DAB2IP: variants seen among roughly 807,000 people sequenced by gnomAD.
The protein encoded by DAB2IP is DAB2 interacting protein.
In DAB2IP, 28 loss-of-function variants were observed where a neutral mutation model predicts 107.2. That is an observed-to-expected ratio of 0.26 (90% confidence interval 0.19 to 0.36). The LOEUF is 0.36. Ranked by LOEUF, DAB2IP falls within the 10% of genes least tolerant of loss-of-function variation. The pLI, the probability that DAB2IP is intolerant of heterozygous loss-of-function variation, is 1.00. For missense variants in DAB2IP, 1,400 were observed against 1,644.7 expected, an observed-to-expected ratio of 0.85 and a Z score of 2.57; for synonymous variants, 755 against 706.4, an observed-to-expected ratio of 1.07 and a Z score of -1.09.
chr9:121,766,496 T>C, exon 9 of DAB2IP: 8 of 1,605,074 alleles, frequency 5.0e-6, no homozygotes, highest in Non-Finnish European at 6.8e-6. Context: ...CTACACAGTG[T>C]CTTCCCACGG....
rs1831901041 is a variant in DAB2IP at position 121,736,275 on chromosome 9, G to T, written c.363-20738G>T. On this transcript the variant is annotated intron_variant, in intron 3 of 15. Coordinates refer to ENST00000408936, the Ensembl canonical transcript of DAB2IP. The surrounding 1 kb of genome is among the most constrained non-coding windows in gnomAD (Gnocchi z 4.6). ...GACGAACCCGGGGTGGGGCCAGCGG[G>T]CCAAACTGGAATGCGCCGCGAGAGC... is the stretch of plus-strand genomic sequence containing the variant. Among the ~76,000 whole-genome samples the T allele has an allele frequency of 6.6e-6, 1 of 152,232 alleles. No homozygotes were observed. Among genetic ancestry groups the T allele is most frequent in the African/African-American group, 2.4e-5 (1 of 41,470 alleles).
chr9:121,598,891 G>T (rs1830595608), intron 1 of DAB2IP, among the ~76,000 whole-genome samples: 1 of 152,238 alleles, frequency 6.6e-6, no homozygotes, highest in African/African-American at 2.4e-5. Flanking sequence ...CAATAAGATA[G>T]TCACGCTTTA....
chr9:121,718,171 G>T (rs924664511), intron 3 of DAB2IP, among the ~76,000 whole-genome samples: 2 of 152,092 alleles, frequency 1.3e-5, no homozygotes, highest in Admixed American at 6.5e-5. Context: ...ACAGCTCTGC[G>T]CCAGCCTGTC....
intron 2 of DAB2IP, among the ~76,000 whole-genome samples, chr9:121,688,660 C>T (rs1333164621): frequency 6.6e-6 from 1 of 152,230 alleles, no homozygotes; most frequent in Non-Finnish European, 1.5e-5. Flanking sequence ...ACTTCTGTCT[C>T]TCCCACCAGA....
Position 121,624,700 on chromosome 9 carries a change from C to G in DAB2IP, c.41-53978C>G, listed in dbSNP as rs114906988. ...CCATCTAGCCTAGGCGTGCAGTAGG[C>G]TACACCATCTAGGTTTGTGCAAGTG... is the stretch of plus-strand genomic sequence containing the variant. On this transcript the variant is annotated intron_variant, in intron 1 of 16. Transcript: ENST00000259371. Among the ~76,000 whole-genome samples, 1,408 of 152,296 alleles carry G rather than the reference C, an allele frequency of 9.2e-3. 17 individuals carry two copies. Among genetic ancestry groups the G allele is most frequent in the African/African-American group, 0.03 (1,238 of 41,548 alleles).
chr9:121,665,321 A>C (rs1327038147), intron 1 of DAB2IP, among the ~76,000 whole-genome samples: 1 of 152,254 alleles, frequency 6.6e-6, no homozygotes, highest in Non-Finnish European at 1.5e-5. Flanking sequence ...CACCCTGGCC[A>C]ACATAGTGAG....
rs572265655 is a variant in DAB2IP, at chr9:121,651,978, C to T, written c.124+79C>T. The T allele has an allele frequency of 1.1e-5, 13 of 1,163,214 alleles. No homozygotes were observed. Among genetic ancestry groups the T allele is most frequent in the African/African-American group, 3.2e-5 (2 of 62,752 alleles). 72.1% of individuals were successfully genotyped at this position (1,163,214 alleles called of 1,614,324 possible). A position where few individuals can be genotyped will look rare whatever the true frequency, so the allele number is the denominator to read the frequency against. On this transcript the variant is annotated intron_variant, in intron 1 of 15. Transcript: ENST00000408936. The surrounding 1 kb of genome is among the most constrained non-coding windows in gnomAD (Gnocchi z 5.1). The stretch of plus-strand genomic sequence containing the variant: ...CCTGATGCCCTGGGATGCTAGGGAC[C>T]GGGATCCTCCTTCCAGCCATTTGCC...
At chr9:121,731,522 ATT>A (rs1831539222) in intron 3 of DAB2IP, among the ~76,000 whole-genome samples, 1 of 152,194 alleles carries the variant, frequency 6.6e-6, no homozygotes, top group Non-Finnish European at 1.5e-5. Context: ...TTGTTATAGA[ATT>A]GCTGTCTGGT....
exon 8 of DAB2IP, chr9:121,763,775 C>T (rs778950978): frequency 1.9e-5 from 31 of 1,613,978 alleles, no homozygotes; most frequent in Middle Eastern, 1.6e-4. Flanking sequence ...ATGAGAACTG[C>T]GAAGTGGATC....
chr9:121,785,228 C>T (rs1230631722), exon 16 of DAB2IP: 6 of 152,674 alleles, frequency 3.9e-5, no homozygotes. Context: ...GTACACCTCC[C>T]CCTGCGCCCC....
exon 9 of DAB2IP, chr9:121,766,679 G>A (rs1251345364): frequency 3.1e-6 from 5 of 1,613,934 alleles, no homozygotes; most frequent in Admixed American, 3.3e-5. Context: ...CGCACTGCCC[G>A]CACCCTCACC....
intron 1 of DAB2IP, among the ~76,000 whole-genome samples, chr9:121,677,516 A>T (rs1828325280): frequency 1.3e-5 from 2 of 152,002 alleles, no homozygotes; most frequent in African/African-American, 4.8e-5. Context: ...TGAGACCCTG[A>T]CTCTAAAACA....
intron 1 of DAB2IP, among the ~76,000 whole-genome samples, chr9:121,572,821 C>T (rs1402815885): frequency 1.3e-5 from 2 of 152,148 alleles, no homozygotes; most frequent in African/African-American, 4.8e-5. Flanking sequence ...GGGATAAACC[C>T]TCCAGAAGCG....
intron 3 of DAB2IP, among the ~76,000 whole-genome samples, chr9:121,718,334 C>G (rs1304677522): frequency 6.6e-6 from 1 of 152,200 alleles, no homozygotes; most frequent in African/African-American, 2.4e-5. Context: ...CGGGGGTCCT[C>G]GGACTCTGCT....
chr9:121,702,035 G>A lies in DAB2IP; in HGVS notation c.362+2577G>A, dbSNP rs183740424. On this transcript the variant is annotated intron_variant, in intron 3 of 15. Coordinates refer to ENST00000408936, the Ensembl canonical transcript of DAB2IP. This position sits in a 1 kb window ranked among gnomAD's most constrained non-coding sequence, Gnocchi z 4.5. ...GGTGGGGGCTTCTAGGGTGTCGAGC[G>A]GGAGTCCTGGTCCCCATGGCCTTCC... Among the ~76,000 whole-genome samples the A allele has an allele frequency of 3.3e-5, 5 of 152,276 alleles. No homozygotes were observed. The highest frequency in any genetic ancestry group is 2.1e-4 in the South Asian group (1 of 4,824).
chr9:121,774,336 A>G (rs1332949287), exon 13 of DAB2IP: 1 of 1,613,420 alleles, frequency 6.2e-7, no homozygotes, highest in Non-Finnish European at 8.5e-7. Context: ...CAGTTGTTAG[A>G]AGACGAGGGC....
At position 121,715,124 on chromosome 9, in the gene DAB2IP, G is replaced by A. The variant is rs1830529644; in HGVS notation, c.362+15666G>A. Among the ~76,000 whole-genome samples, 4 of 152,198 alleles carry A rather than the reference G, an allele frequency of 2.6e-5. No homozygotes were observed. The South Asian group carries it at 8.3e-4, about 32-fold the overall frequency. ...CCGTTGCTCCAGGGAGCTGGCCTTGGCACTTGCTGCCCTGAGGGTGTCTCT... is the reference window on the plus strand; with the variant it reads ...CCGTTGCTCCAGGGAGCTGGCCTTGACACTTGCTGCCCTGAGGGTGTCTCT... On this transcript the variant is annotated intron_variant, in intron 3 of 15. Transcript: ENST00000408936.
chr9:121,574,470 T>A (rs1197695470), intron 1 of DAB2IP, among the ~76,000 whole-genome samples: 2 of 152,148 alleles, frequency 1.3e-5, no homozygotes, highest in African/African-American at 4.8e-5. Context: ...CATTCATACC[T>A]GGAGCCCTTC....
chr9:121,577,650 G>A (rs937377901), intron 1 of DAB2IP, among the ~76,000 whole-genome samples: 1 of 151,976 alleles, frequency 6.6e-6, no homozygotes, highest in African/African-American at 2.4e-5. Context: ...TGTCCCACCC[G>A]CAGCCCTGCC....
Sources: allele counts gnomAD v4.1 joint callset (sites outside exome capture counted in the v4.1 genomes callset), GRCh38; gene constraint gnomAD v4.1.1; non-coding constraint Gnocchi (gnomAD v3.1); transcripts MANE v1.5; gene names NCBI Gene and HGNC (gene_info 2026-07-23, HGNC 2026-07-21).